Variants in ST7 observed in about 807,000 individuals in gnomAD.
ST7 encodes the protein suppressor of tumorigenicity 7 protein.
A neutral mutation model predicts 78.7 loss-of-function variants in ST7; 28 were observed. The observed-to-expected ratio is 0.36, with a 90% confidence interval of 0.26 to 0.49. ST7 has a LOEUF of 0.49. Ranked by LOEUF, ST7 falls within the 20% of genes least tolerant of loss-of-function variation. The pLI is 0.99. For synonymous variants in ST7, 247 were observed against 249.6 expected, an observed-to-expected ratio of 0.99 and a Z score of 0.10; for missense variants, 418 against 696.0, an observed-to-expected ratio of 0.60 and a Z score of 4.49.
rs191364165 is a variant in ST7, at chr7:117,063,376, A to G, written c.152-36386A>G. Among the ~76,000 whole-genome samples the G allele has an allele frequency of 4.6e-5, 7 of 152,280 alleles. 1 individual carries two copies. In the South Asian group the frequency reaches 1.0e-3, roughly 23 times the overall value. Reference sequence around the variant, plus strand: ...TGTTCATTTTTGTTTCTTTCAATTGATAGGACATGGAGAAAGATTTTTGCA... The same window carrying G: ...TGTTCATTTTTGTTTCTTTCAATTGGTAGGACATGGAGAAAGATTTTTGCA... On this transcript the variant is annotated intron_variant, in intron 1 of 15. Transcript: ENST00000323984.
chr7:117,212,021 T>C (rs547191733), intron 13 of ST7, among the ~76,000 whole-genome samples: 1 of 152,206 alleles, frequency 6.6e-6, no homozygotes, highest in East Asian at 1.9e-4. Flanking sequence ...TCTGGAGAAG[T>C]GTTTGTGAAA....
At chr7:117,181,667 T>G (rs1469496990) in intron 10 of ST7, among the ~76,000 whole-genome samples, 1 of 152,172 alleles carries the variant, frequency 6.6e-6, no homozygotes, top group Non-Finnish European at 1.5e-5. Flanking sequence ...ATGTATCAAG[T>G]CAATCCCAAG....
intron 1 of ST7, among the ~76,000 whole-genome samples, chr7:117,047,644 A>G (rs1012919943): frequency 4.6e-5 from 7 of 152,216 alleles, no homozygotes; most frequent in African/African-American, 1.4e-4. Context: ...TAGATTAAAC[A>G]GATGTAATGT....
chr7:117,100,654 A>G (rs113225904), intron 2 of ST7, among the ~76,000 whole-genome samples: 27 of 152,224 alleles, frequency 1.8e-4, no homozygotes, highest in African/African-American at 6.5e-4. Flanking sequence ...TCCTTTAAAA[A>G]AAATCCCTAA....
chr7:117,036,585 A>G (rs1350402968), intron 1 of ST7, among the ~76,000 whole-genome samples: 1 of 152,172 alleles, frequency 6.6e-6, no homozygotes, highest in African/African-American at 2.4e-5. Context: ...TGCAAATGAG[A>G]TATGATAATT....
chr7:117,200,529 A>G (rs1810722814), intron 12 of ST7, among the ~76,000 whole-genome samples: 1 of 152,170 alleles, frequency 6.6e-6, no homozygotes, highest in African/African-American at 2.4e-5. Context: ...CTTGCCCCAA[A>G]TCCCAGAACC....
At chr7:117,167,053 C>CTT (rs763690509) in intron 9 of ST7, among the ~76,000 whole-genome samples, 18,297 of 143,372 alleles carry the variant, frequency 0.13, 2,086 homozygotes, top group African/African-American at 0.31. Flanking sequence ...GGTAATGATT[C>CTT]TTTTTTTTTT....
intron 10 of ST7, among the ~76,000 whole-genome samples, chr7:117,172,902 A>C (rs1021610772): frequency 6.6e-6 from 1 of 152,216 alleles, no homozygotes; most frequent in Admixed American, 6.5e-5. Context: ...TCCATTTGTT[A>C]CAGAAATCAT....
chr7:117,012,835 A>G (rs1795442310), intron 1 of ST7, among the ~76,000 whole-genome samples: 1 of 152,168 alleles, frequency 6.6e-6, no homozygotes, highest in Non-Finnish European at 1.5e-5. Flanking sequence ...TCTGTTTGCT[A>G]AGCCTGGCTT....
intron 2 of ST7, among the ~76,000 whole-genome samples, chr7:117,100,603 T>C (rs2116806399): frequency 6.6e-6 from 1 of 152,262 alleles, no homozygotes; most frequent in Middle Eastern, 3.4e-3. Context: ...TTTCCCTTCA[T>C]CTTCTTTTCT....
intron 12 of ST7, among the ~76,000 whole-genome samples, chr7:117,200,817 TC>T (rs1810762279): frequency 5.4e-5 from 4 of 73,638 alleles, no homozygotes; most frequent in African/African-American, 2.7e-4. Context: ...AAAAATGTAC[TC>T]TTTTTTTTTT....
At chr7:117,048,337 A>G (rs1232863573) in intron 1 of ST7, among the ~76,000 whole-genome samples, 2 of 152,176 alleles carry the variant, frequency 1.3e-5, no homozygotes, top group African/African-American at 2.4e-5. Context: ...ATATGATACA[A>G]ATTTGCAAGT....
At chr7:117,062,138 A>G (rs1419846915) in intron 1 of ST7, among the ~76,000 whole-genome samples, 2 of 152,104 alleles carry the variant, frequency 1.3e-5, no homozygotes, top group African/African-American at 2.4e-5. Flanking sequence ...GGAGAGAGGA[A>G]GACAGCAAGT....
intron 1 of ST7, among the ~76,000 whole-genome samples, chr7:117,057,967 C>G (rs1288366447): frequency 1.3e-5 from 2 of 152,184 alleles, no homozygotes; most frequent in African/African-American, 2.4e-5. Flanking sequence ...TTCCACTCCT[C>G]TGACTTAGGA....
intron 10 of ST7, among the ~76,000 whole-genome samples, 176 bp from the exon 11 acceptor site, chr7:117,189,145 A>C (rs1809548305): frequency 6.6e-6 from 1 of 152,224 alleles, no homozygotes; most frequent in South Asian, 2.1e-4. Context: ...CCTTAGTTTC[A>C]CATACCACGT....
intron 1 of ST7, among the ~76,000 whole-genome samples, chr7:117,017,591 A>C (rs539457873): frequency 1.3e-5 from 2 of 152,334 alleles, no homozygotes; most frequent in South Asian, 4.1e-4. Flanking sequence ...TGGTTAAGCC[A>C]AAGATCACTT....
chr7:117,088,100 T>C (rs1421285786), intron 1 of ST7, among the ~76,000 whole-genome samples: 1 of 152,126 alleles, frequency 6.6e-6, no homozygotes, highest in African/African-American at 2.4e-5. Flanking sequence ...CTACCTAGAG[T>C]CCATACTCTC....
intron 3 of ST7, among the ~76,000 whole-genome samples, chr7:117,123,895 T>C (rs1803609135): frequency 6.6e-6 from 1 of 152,156 alleles, no homozygotes; most frequent in Non-Finnish European, 1.5e-5. Context: ...TCTGAGATAC[T>C]TTAATAGCCT....
intron 1 of ST7, chr7:117,020,665 A>T (rs147493695): frequency 6.4e-7 from 1 of 1,550,526 alleles, no homozygotes; most frequent in East Asian, 2.4e-5. Context: ...GCTATTTAGA[A>T]ATCTGCTTGC....
Sources: gnomAD v4.1 joint callset for allele counts (sites outside exome capture counted in the v4.1 genomes callset) on GRCh38, gnomAD v4.1.1 for gene constraint, MANE v1.5 for transcripts, NCBI Gene and HGNC (gene_info 2026-07-23, HGNC 2026-07-21) for gene names.